Variants in KCNAB1 observed in about 807,000 individuals in gnomAD.
KCNAB1 encodes voltage-gated potassium channel subunit beta-1.
In KCNAB1, 35 loss-of-function variants were observed where a neutral mutation model predicts 64.6. The ratio of observed to expected loss-of-function variants is 0.54; its 90% CI spans 0.41 to 0.72. KCNAB1 has a LOEUF of 0.72. Among genes scored for constraint, KCNAB1 ranks in the 30% least tolerant of loss-of-function variants. KCNAB1 has a pLI of 0.00. For synonymous variants in KCNAB1, 177 were observed against 183.8 expected (o/e 0.96, Z 0.30); for missense variants, 401 against 512.9 (o/e 0.78, Z 2.11).
chr3:156,218,534 C>A (rs1715468337), intron 1 of KCNAB1, among the ~76,000 whole-genome samples: 1 of 152,152 alleles, frequency 6.6e-6, no homozygotes, highest in Admixed American at 6.5e-5. Context: ...TATAGGACTG[C>A]AGCTGATGTA....
chr3:156,295,531 C>T (rs1720719554), intron 1 of KCNAB1, among the ~76,000 whole-genome samples: 2 of 152,204 alleles, frequency 1.3e-5, no homozygotes, highest in South Asian at 4.2e-4. Context: ...ATATTCACAC[C>T]ATCATTGTAT....
chr3:156,471,952 G>A (rs1461937871), intron 7 of KCNAB1, among the ~76,000 whole-genome samples: 4 of 152,204 alleles, frequency 2.6e-5, no homozygotes, highest in Non-Finnish European at 4.4e-5. Flanking sequence ...AGAGGCTAAG[G>A]GATATCACAG....
chr3:156,180,653 C>CAGCCTTG (rs1262766022), intron 1 of KCNAB1, among the ~76,000 whole-genome samples: 3 of 152,058 alleles, frequency 2.0e-5, no homozygotes, highest in Admixed American at 6.5e-5. Context: ...TGAATACCTA[C>CAGCCTTG]CACATGCAAG....
chr3:156,288,644 C>A (rs1467376841), intron 1 of KCNAB1, among the ~76,000 whole-genome samples: 1 of 152,114 alleles, frequency 6.6e-6, no homozygotes, highest in East Asian at 1.9e-4. Context: ...AGTCAGAATG[C>A]CCATGTGGTA....
intron 1 of KCNAB1, among the ~76,000 whole-genome samples, chr3:156,210,478 C>T (rs1714943548): frequency 6.6e-6 from 1 of 152,194 alleles, no homozygotes. Context: ...GTTATTTCCT[C>T]AGCCTGTACT....
rs1553815374 is a variant in KCNAB1 at position 156,182,634 on chromosome 3, C to CT, written c.275+61748_275+61749insT. 2.5e-4 allele frequency among the ~76,000 whole-genome samples: 38 copies of CT among 151,794 alleles called. 1 individual carries two copies. The highest frequency in any genetic ancestry group is 8.9e-4 in the African/African-American group (37 of 41,400). ...TTCCAGGGTTGGTTTTTTTTTCCCC[C>CT]CCCCGGGTCTTATCTTTTCTACCCA... On this transcript the variant is annotated intron_variant, in intron 1 of 13. Transcript: ENST00000490337.
chr3:156,187,557 C>T lies in KCNAB1; in HGVS notation c.275+66671C>T, dbSNP rs138735923. Among the ~76,000 whole-genome samples, 419 of 152,298 alleles carry T rather than the reference C, an allele frequency of 2.8e-3. 3 individuals carry two copies. Among genetic ancestry groups the T allele is most frequent in the African/African-American group, 8.9e-3 (368 of 41,558 alleles). ...TGATGAAGTACACAACCACTCAGAT[C>T]GGAAACTTGGGCATCCTGCTGGACT... is the stretch of plus-strand genomic sequence containing the variant. On this transcript the variant is annotated intron_variant, in intron 1 of 13. Coordinates refer to ENST00000490337, the MANE Select transcript of KCNAB1 (RefSeq NM_172160.3).
chr3:156,306,663 CTG>C (rs1721512946), intron 1 of KCNAB1, among the ~76,000 whole-genome samples: 1 of 152,186 alleles, frequency 6.6e-6, no homozygotes, highest in Non-Finnish European at 1.5e-5. Context: ...GGTGGGAAGT[CTG>C]TGGGTCCCAT....
chr3:156,235,606 A>G (rs184271537), intron 1 of KCNAB1, among the ~76,000 whole-genome samples: 13 of 152,352 alleles, frequency 8.5e-5, no homozygotes, highest in Non-Finnish European at 1.9e-4. Flanking sequence ...GTGAAAAGAA[A>G]TCATCATGGT....
At chr3:156,129,207 C>T (rs1323790123) in intron 1 of KCNAB1, among the ~76,000 whole-genome samples, 2 of 152,018 alleles carry the variant, frequency 1.3e-5, no homozygotes, top group African/African-American at 4.8e-5. Context: ...CCTGAGCTAC[C>T]TCCCTGCTGA....
rs1309482051 is a variant in KCNAB1 at position 156,457,449 on chromosome 3, G to A, written c.358-4G>A. 4 of 1,613,644 alleles carry A rather than the reference G, an allele frequency of 2.5e-6. No homozygotes were observed. The highest frequency in any genetic ancestry group is 2.2e-5 in the South Asian group (2 of 91,066). On this transcript the variant is annotated splice_polypyrimidine_tract_variant and splice_region_variant and intron_variant, in intron 3 of 13. Transcript: ENST00000490337. ...TTCTGAGTGACCTTTCTCTCCCCTTGCAGGTTGCTGAACGGCTGATGACCA... is the reference window on the plus strand; with the variant it reads ...TTCTGAGTGACCTTTCTCTCCCCTTACAGGTTGCTGAACGGCTGATGACCA...
intron 12 of KCNAB1, among the ~76,000 whole-genome samples, chr3:156,528,259 A>T (rs1006123383): frequency 3.3e-5 from 5 of 152,106 alleles, no homozygotes; most frequent in Middle Eastern, 3.2e-3. Flanking sequence ...AAATTCAGTG[A>T]TTACCATAAA....
chr3:156,164,260 T>G (rs576750503), intron 1 of KCNAB1, among the ~76,000 whole-genome samples: 1 of 152,286 alleles, frequency 6.6e-6, no homozygotes, highest in African/African-American at 2.4e-5. Context: ...TAAGAGAGCA[T>G]TATACCTTTC....
intron 1 of KCNAB1, among the ~76,000 whole-genome samples, chr3:156,287,414 G>C (rs1441335280): frequency 2.7e-5 from 4 of 150,322 alleles, no homozygotes; most frequent in African/African-American, 9.8e-5. Context: ...GTTTTACGAA[G>C]TAATAAATCC....
intron 1 of KCNAB1, among the ~76,000 whole-genome samples, chr3:156,219,197 A>G (rs906137016): frequency 1.3e-5 from 2 of 152,126 alleles, no homozygotes; most frequent in Non-Finnish European, 2.9e-5. Context: ...CAACTTAAAA[A>G]AAATCAAAAA....
chr3:156,149,788 A>C (rs1234633604), intron 1 of KCNAB1, among the ~76,000 whole-genome samples: 1 of 152,142 alleles, frequency 6.6e-6, no homozygotes, highest in Non-Finnish European at 1.5e-5. Flanking sequence ...TGGAAGTTGA[A>C]AATTACATTT....
At chr3:156,458,008 T>C (rs1712577454) in intron 4 of KCNAB1, among the ~76,000 whole-genome samples, 1 of 152,026 alleles carries the variant, frequency 6.6e-6, no homozygotes, top group Admixed American at 6.6e-5. Context: ...CTCTCACTGT[T>C]GAACTGCCTG....
intron 2 of KCNAB1, among the ~76,000 whole-genome samples, chr3:156,433,243 C>T (rs547341552): frequency 3.9e-5 from 6 of 152,226 alleles, no homozygotes; most frequent in Admixed American, 1.3e-4. Flanking sequence ...TAAAGGACAC[C>T]CTGCATTTTT....
intron 1 of KCNAB1, among the ~76,000 whole-genome samples, chr3:156,162,752 G>A (rs566231823): frequency 6.6e-6 from 1 of 152,116 alleles, no homozygotes; most frequent in African/African-American, 2.4e-5. Context: ...TTGACCCTGG[G>A]ACAGCCTGGG....
Sources: gnomAD v4.1 joint callset for allele counts (sites outside exome capture counted in the v4.1 genomes callset) on GRCh38, gnomAD v4.1.1 for gene constraint, MANE v1.5 for transcripts, NCBI Gene and HGNC (gene_info 2026-07-23, HGNC 2026-07-21) for gene names.